Variants in MCM5 observed in about 807,000 individuals in gnomAD.
MCM5 encodes minichromosome maintenance complex component 5, also known as DNA replication licensing factor MCM5.
In MCM5, 46 loss-of-function variants were observed where a neutral mutation model predicts 79.9. That is an observed-to-expected ratio of 0.58 (90% CI 0.45 to 0.74). MCM5 has a LOEUF of 0.74. Ranked by LOEUF, MCM5 falls within the 30% of genes least tolerant of loss-of-function variation. The pLI, the probability that MCM5 is intolerant of heterozygous loss-of-function variation, is 0.00. For missense variants in MCM5, 883 were observed against 1,017.0 expected, an observed-to-expected ratio of 0.87 and a Z score of 1.79; for synonymous variants, 404 against 390.5, an observed-to-expected ratio of 1.03 and a Z score of -0.41.
chr22:35,449,758 C>CT, the MCM5 span, among the ~76,000 whole-genome samples: 26 of 152,132 alleles, frequency 1.7e-4, no homozygotes, highest in Non-Finnish European at 1.5e-4. Flanking sequence ...GGGCCAAATC[C>CT]TACTCATCCT....
chr22:35,417,540 C>T (rs1205250224), intron 12 of MCM5, among the ~76,000 whole-genome samples: 1 of 152,208 alleles, frequency 6.6e-6, no homozygotes, highest in Non-Finnish European at 1.5e-5. Flanking sequence ...GCATTAAGTT[C>T]TCTCTAAAGG....
At chr22:35,402,421 G>A (rs898793314) in intron 2 of MCM5, among the ~76,000 whole-genome samples, 2 of 151,730 alleles carry the variant, frequency 1.3e-5, no homozygotes, top group African/African-American at 2.4e-5. Context: ...CTGCCTGCCG[G>A]GTTCAAGTGA....
chr22:35,400,325 C>T, intron 1 of MCM5, 106 bp from the exon 2 acceptor site: 3 of 1,297,300 alleles, frequency 2.3e-6, no homozygotes, highest in Non-Finnish European at 3.3e-6. Flanking sequence ...GGGAGCGCGG[C>T]CGGGGGTCCC....
At chr22:35,421,770 A>G in intron 15 of MCM5, 1 of 416,340 alleles carries the variant, frequency 2.4e-6, no homozygotes, top group Non-Finnish European at 4.5e-6. Context: ...AGAGCTTGTC[A>G]GCATTTTCAG....
chr22:35,431,948 G>A, the MCM5 span, among the ~76,000 whole-genome samples: 8 of 152,140 alleles, frequency 5.3e-5, no homozygotes, highest in African/African-American at 1.2e-4. Flanking sequence ...CTGATCTGTC[G>A]GGTCAGTGCC....
At chr22:35,448,538 C>T in the MCM5 span, among the ~76,000 whole-genome samples, 5 of 152,202 alleles carry the variant, frequency 3.3e-5, no homozygotes, top group Non-Finnish European at 2.9e-5. Flanking sequence ...TTCCGCAGTG[C>T]CCCAGGCCGG....
At chr22:35,427,420 G>A (rs1170897070), downstream of MCM5, among the ~76,000 whole-genome samples, 3 of 151,832 alleles carry the variant, frequency 2.0e-5, no homozygotes, top group Non-Finnish European at 4.4e-5. Flanking sequence ...CATGGAAGAA[G>A]GTTTTATGTT....
At chr22:35,440,333 T>C in the MCM5 span, among the ~76,000 whole-genome samples, 3 of 152,248 alleles carry the variant, frequency 2.0e-5, no homozygotes, top group Admixed American at 2.0e-4. Flanking sequence ...GGAAATGGCC[T>C]TGGGCCAGCC....
the MCM5 span, among the ~76,000 whole-genome samples, chr22:35,436,298 C>T: frequency 2.6e-5 from 4 of 152,264 alleles, no homozygotes; most frequent in African/African-American, 7.2e-5. Context: ...ACCCACAGAC[C>T]GCATGGGCCC....
the MCM5 span, among the ~76,000 whole-genome samples, chr22:35,430,723 T>C: frequency 6.6e-6 from 1 of 151,996 alleles, no homozygotes; most frequent in Non-Finnish European, 1.5e-5. Flanking sequence ...TGCTAGCCAG[T>C]CTGGTCTGGA....
At chr22:35,453,819 T>TATATATATATATAGAGAGAG in the MCM5 span, among the ~76,000 whole-genome samples, 16 of 81,542 alleles carry the variant, frequency 2.0e-4, no homozygotes, top group African/African-American at 6.6e-4. Flanking sequence ...TATATATATA[T>TATATATATATATAGAGAGAG]AGAGAGAGAG....
In MCM5 at chr22:35,414,489, T is replaced by C. The variant is rs915079226; in HGVS notation, c.1203+503T>C. Among the ~76,000 whole-genome samples, 5 of 151,990 alleles carry C rather than the reference T, an allele frequency of 3.3e-5. No homozygotes were observed. In the East Asian group the frequency reaches 7.7e-4, roughly 23 times the overall value. ...ACAAAATAACTAGCCAGGCGTGATA[T>C]GCACCTGTGGTCCCAGCTGCTTGGG... On this transcript the variant is annotated intron_variant, in intron 9 of 16. Transcript: ENST00000216122.
the MCM5 span, among the ~76,000 whole-genome samples, chr22:35,446,519 C>T: frequency 6.6e-6 from 1 of 152,102 alleles, no homozygotes; most frequent in Non-Finnish European, 1.5e-5. Context: ...AGCGAGTGGA[C>T]GAGCAGATGA....
At chr22:35,420,341 T>C (rs1932664282) in intron 14 of MCM5, among the ~76,000 whole-genome samples, 1 of 152,234 alleles carries the variant, frequency 6.6e-6, no homozygotes, top group Admixed American at 6.5e-5. Context: ...ACTGTGTGAC[T>C]GTAGGGAAAT....
rs537676845 is a variant in MCM5 at position 35,400,478 on chromosome 22, A to T, written c.40A>T (p.Ser14Cys). Residue 14 changes from serine to cysteine, a missense_variant, in exon 2 of 17, where the codon AGC (serine) becomes TGC (cysteine). By Grantham distance (112) the Ser-to-Cys change is moderately radical. Coordinates refer to ENST00000216122, the MANE Select transcript of MCM5 (RefSeq NM_006739.4). ...CGATCCTGGCATTTTCTACAGCGAC[A>T]GCTTCGGGGGCGACGCCCAGGCCGA... ...FDDPGIFYSD[S>C]FGGDAQADEG... is the part of the protein sequence containing the mutation. The T allele has an allele frequency of 6.2e-7, 1 of 1,614,102 alleles. No individual in the cohort carries two copies. The highest frequency in any genetic ancestry group is 1.3e-5 in the African/African-American group (1 of 75,068).
At chr22:35,415,449 AC>A (rs1932513940) in intron 9 of MCM5, among the ~76,000 whole-genome samples, 1 of 151,516 alleles carries the variant, frequency 6.6e-6, no homozygotes, top group African/African-American at 2.4e-5. Flanking sequence ...ACGACAAGGG[AC>A]TCACGATGGG....
In MCM5 at chr22:35,416,511, C is replaced by CTGTGTGTGTGTGTGTG. The variant is rs133421; in HGVS notation, c.1414-81_1414-66dup. 80 of 1,024,254 alleles carry CTGTGTGTGTGTGTGTG rather than the reference C, an allele frequency of 7.8e-5. 1 individual carries two copies. The East Asian group carries it at 9.7e-4, about 12-fold the overall frequency. 63.4% of individuals were successfully genotyped at this position (1,024,254 alleles called of 1,614,324 possible). On this transcript the variant is annotated intron_variant, in intron 11 of 16. Transcript: ENST00000216122. ...AGTTCTCTTTGCCCAGGCCTAGAAT[C>CTGTGTGTGTGTGTGTG]TGTGTGTGTGTGTGTGTGTGTGTGT...
downstream of MCM5, among the ~76,000 whole-genome samples, chr22:35,429,037 G>A (rs9610297): frequency 0.69 from 98,861 of 143,106 alleles, 34,391 homozygotes; most frequent in Middle Eastern, 0.75. Context: ...CCAGGCTGGA[G>A]TGTAGTATCA....
At chr22:35,423,470 C>T in intron 16 of MCM5, 129 bp downstream of exon 16, 1 of 1,028,808 alleles carries the variant, frequency 9.7e-7, no homozygotes. Context: ...GACAACTGTC[C>T]CTTTCTCAGA....
Sources: allele counts gnomAD v4.1 joint callset (sites outside exome capture counted in the v4.1 genomes callset), GRCh38; gene constraint gnomAD v4.1.1; transcripts MANE v1.5; gene names NCBI Gene and HGNC (gene_info 2026-07-23, HGNC 2026-07-21).